Variants in CADM3 observed in about 807,000 individuals in gnomAD.
The protein encoded by CADM3 is cell adhesion molecule 3.
In CADM3, 11 loss-of-function variants were observed where a neutral mutation model predicts 44.9. The ratio of observed to expected loss-of-function variants is 0.25; its 90% CI spans 0.15 to 0.41. The LOEUF (loss-of-function observed/expected upper bound fraction) is 0.41. CADM3 is among the 10% of genes least tolerant of loss of function. The pLI, the probability that CADM3 is intolerant of heterozygous loss-of-function variation, is 1.00. For synonymous variants in CADM3, 207 were observed against 205.2 expected, an observed-to-expected ratio of 1.01 and a Z score of -0.08; for missense variants, 426 against 512.0, an observed-to-expected ratio of 0.83 and a Z score of 1.62.
chr1:159,187,996 TTCTC>T (rs1318221414), intron 1 of CADM3, among the ~76,000 whole-genome samples: 6 of 152,038 alleles, frequency 3.9e-5, no homozygotes, highest in South Asian at 4.2e-4. Context: ...TCCTGCCTAC[TTCTC>T]TCTATTTGTG....
At chr1:159,173,333 C>A (rs1339174526) in intron 1 of CADM3, among the ~76,000 whole-genome samples, 3 of 152,180 alleles carry the variant, frequency 2.0e-5, no homozygotes, top group Admixed American at 6.5e-5. Flanking sequence ...AATCGCTCCA[C>A]CTCGCCTGAC....
chr1:159,200,536 A>G lies in CADM3; in HGVS notation c.1079-268A>G, dbSNP rs868048391. Among the ~76,000 whole-genome samples the G allele has an allele frequency of 4.7e-3, 656 of 140,914 alleles. 6 individuals carry two copies. Among genetic ancestry groups the G allele is most frequent in the African/African-American group, 0.014 (568 of 41,214 alleles). The allele number at this position is 140,914 out of a possible 152,430, so 92.4% of individuals were successfully genotyped here. A position where few individuals can be genotyped will look rare whatever the true frequency, so the allele number is the denominator to read the frequency against. On this transcript the variant is annotated intron_variant, in intron 8 of 8. Coordinates refer to ENST00000368125, the MANE Select transcript of CADM3 (RefSeq NM_001127173.3). ...CGTGCAAGCACACACACACACACAC[A>G]CACACACACACACACACACTTCTCT... is the stretch of plus-strand genomic sequence containing the variant.
intron 3 of CADM3, 137 bp from the exon 4 acceptor site, chr1:159,193,286 T>C: frequency 1.0e-6 from 1 of 953,382 alleles, no homozygotes; most frequent in Non-Finnish European, 1.6e-6. Flanking sequence ...AAAAGAAAGA[T>C]GATTTATCTA....
chr1:159,185,744 CT>C (rs1275282068), intron 1 of CADM3, among the ~76,000 whole-genome samples: 1 of 152,184 alleles, frequency 6.6e-6, no homozygotes, highest in African/African-American at 2.4e-5. Flanking sequence ...GCTATTTCCT[CT>C]CTACCGGCAG....
In CADM3 at chr1:159,202,991, G is replaced by A. The variant is rs1013084978; in HGVS notation, c.*2069G>A. On this transcript the variant is annotated 3_prime_UTR_variant, in exon 9 of 9. Transcript: ENST00000368125. ...GCCATATTTGTACGGGGGGGTGGGA[G>A]GGAGAGGGGCTGTTGTGCTGTGTGT... is the stretch of plus-strand genomic sequence containing the variant. 2.8e-5 allele frequency: 4 copies of A among 142,568 alleles called. No homozygotes were observed. Among genetic ancestry groups the A allele is most frequent in the Admixed American group, 1.4e-4 (2 of 14,262 alleles). 8.8% of individuals were successfully genotyped at this position (142,568 alleles called of 1,614,324 possible).
chr1:159,191,023 C>T (rs1250031891), intron 1 of CADM3, among the ~76,000 whole-genome samples: 1 of 152,170 alleles, frequency 6.6e-6, no homozygotes, highest in African/African-American at 2.4e-5. Context: ...AGAATCCATG[C>T]TGTGGGGAAC....
intron 2 of CADM3, among the ~76,000 whole-genome samples, 192 bp downstream of exon 2, chr1:159,192,268 T>C (rs150057107): frequency 1.2e-4 from 19 of 152,276 alleles, no homozygotes; most frequent in South Asian, 2.1e-4. Flanking sequence ...TGCATAATCT[T>C]ACAGGGTTCT....
intron 6 of CADM3, 52 bp downstream of exon 6, chr1:159,196,506 G>A (rs754096065): frequency 6.9e-7 from 1 of 1,457,680 alleles, no homozygotes; most frequent in African/African-American, 1.4e-5. Context: ...TTCTCAGATT[G>A]CCTTCTTCAC....
intron 1 of CADM3, 102 bp downstream of exon 1, chr1:159,171,955 A>C (rs1648827772): frequency 4.0e-6 from 3 of 744,182 alleles, no homozygotes; most frequent in East Asian, 3.4e-5. Context: ...TTTGTTTGGA[A>C]CCGGGGTTAA....
intron 1 of CADM3, among the ~76,000 whole-genome samples, chr1:159,185,901 G>A (rs190784130): frequency 3.9e-4 from 59 of 152,292 alleles, no homozygotes; most frequent in Admixed American, 2.4e-3. Flanking sequence ...CTATGGAATC[G>A]TTATAATTTG....
rs1053818188 is a variant in CADM3 at position 159,196,438 on chromosome 1, G to A, written c.766G>A (p.Gly256Ser). Residue 256 changes from glycine (G) to serine (S), a missense_variant, in exon 6 of 9, where the codon GGT (glycine) becomes AGT (serine). By Grantham distance (56) the Gly-to-Ser change is moderately conservative. Coordinates refer to ENST00000368125, the MANE Select transcript of CADM3 (RefSeq NM_001127173.3). Reference protein sequence around the residue: ...EGQKLLLHCEGRGNPVPQQYL... With the variant: ...EGQKLLLHCESRGNPVPQQYL... ...CCAGAAGCTGTTGCTACACTGTGAG[G>A]GTCGCGGCAATCCAGTGTAAGAAGA... 5 of 1,613,908 alleles carry A rather than the reference G, an allele frequency of 3.1e-6. No individual in the cohort carries two copies. Among genetic ancestry groups the A allele is most frequent in the Non-Finnish European group, 4.2e-6 (5 of 1,179,926 alleles).
chr1:159,178,663 T>C (rs1033435565), intron 1 of CADM3: 2 of 152,142 alleles, frequency 1.3e-5, no homozygotes, highest in African/African-American at 2.4e-5. Context: ...AGAGCACAGG[T>C]CCTTGGCCAT....
At chr1:159,190,316 A>G (rs1297090680) in intron 1 of CADM3, among the ~76,000 whole-genome samples, 2 of 152,206 alleles carry the variant, frequency 1.3e-5, no homozygotes, top group African/African-American at 2.4e-5. Flanking sequence ...AGCTCAGTCC[A>G]TGGTACACTA....
At chr1:159,174,432 A>G (rs1277366611) in intron 1 of CADM3, among the ~76,000 whole-genome samples, 1 of 152,192 alleles carries the variant, frequency 6.6e-6, no homozygotes, top group Non-Finnish European at 1.5e-5. Context: ...TTAACTGGTA[A>G]TGTTTGACCA....
At chr1:159,183,141 T>C (rs1198106766) in intron 1 of CADM3, among the ~76,000 whole-genome samples, 1 of 152,178 alleles carries the variant, frequency 6.6e-6, no homozygotes, top group Non-Finnish European at 1.5e-5. Flanking sequence ...TGAGCCCAGA[T>C]TGGGTACAGG....
intron 7 of CADM3, chr1:159,197,787 G>T (rs569922083): frequency 3.3e-5 from 5 of 152,282 alleles, no homozygotes; most frequent in Non-Finnish European, 5.9e-5. Flanking sequence ...CATTGTCGGG[G>T]AAACATCAGA....
At chr1:159,172,831 T>A (rs1374849510) in intron 1 of CADM3, among the ~76,000 whole-genome samples, 1 of 152,022 alleles carries the variant, frequency 6.6e-6, no homozygotes, top group African/African-American at 2.4e-5. Context: ...TGGGCCGGGC[T>A]ATGTAGGTCA....
At chr1:159,179,096 C>A (rs557123591) in intron 1 of CADM3, among the ~76,000 whole-genome samples, 1 of 152,132 alleles carries the variant, frequency 6.6e-6, no homozygotes, top group Non-Finnish European at 1.5e-5. Context: ...GAGTGTCTCC[C>A]ATCTACTCAT....
chr1:159,185,315 G>C (rs927692849), intron 1 of CADM3, among the ~76,000 whole-genome samples: 1 of 152,190 alleles, frequency 6.6e-6, no homozygotes, highest in Non-Finnish European at 1.5e-5. Context: ...TACTGCAGGT[G>C]AATGTTGTAA....
Sources: allele counts gnomAD v4.1 joint callset (sites outside exome capture counted in the v4.1 genomes callset), GRCh38; gene constraint gnomAD v4.1.1; transcripts MANE v1.5; gene names NCBI Gene and HGNC (gene_info 2026-07-23, HGNC 2026-07-21).